ATP10D: variants seen among roughly 807,000 people sequenced by gnomAD.
ATP10D encodes phospholipid-transporting ATPase VD.
A neutral mutation model predicts 144.8 loss-of-function variants in ATP10D; 89 were observed. The observed-to-expected ratio is 0.61, with a 90% CI of 0.52 to 0.73. The LOEUF is 0.73. Ranked by LOEUF, ATP10D falls within the 30% of genes least tolerant of loss-of-function variation. ATP10D has a pLI of 0.00. For synonymous variants in ATP10D, 571 were observed against 615.1 expected, an observed-to-expected ratio of 0.93 and a Z score of 1.06; for missense variants, 1,603 against 1,714.8, an observed-to-expected ratio of 0.93 and a Z score of 1.15.
intron 6 of ATP10D, 40 bp from the exon 7 acceptor site, chr4:47,535,862 T>C: frequency 1.3e-6 from 2 of 1,584,742 alleles, no homozygotes; most frequent in Non-Finnish European, 8.6e-7. Flanking sequence ...TTCTTGGCTT[T>C]AATTTGTACA....
chr4:47,587,621 G>A (rs562215372), intron 22 of ATP10D, among the ~76,000 whole-genome samples: 8 of 152,092 alleles, frequency 5.3e-5, no homozygotes, highest in Non-Finnish European at 7.4e-5. Context: ...AAAGTCTAAC[G>A]TCAAGCCACC....
At chr4:47,496,282 G>A (rs751401641) in intron 1 of ATP10D, among the ~76,000 whole-genome samples, 5 of 148,814 alleles carry the variant, frequency 3.4e-5, no homozygotes, top group Non-Finnish European at 7.4e-5. Context: ...CTCAGCCTCC[G>A]GAGTAGCTGG....
intron 5 of ATP10D, among the ~76,000 whole-genome samples, chr4:47,532,125 A>G (rs1717601134): frequency 6.6e-6 from 1 of 152,162 alleles, no homozygotes; most frequent in Non-Finnish European, 1.5e-5. Context: ...AAGTAGTTCA[A>G]AATTTCTGGG....
chr4:47,525,497 A>C (rs1465565569), intron 4 of ATP10D, 60 bp from the exon 5 acceptor site: 3 of 1,184,718 alleles, frequency 2.5e-6, no homozygotes, highest in Non-Finnish European at 3.8e-6. Flanking sequence ...GTGATAAAAC[A>C]CTTCAATATT....
chr4:47,559,133 A>T lies in ATP10D; in HGVS notation c.2541+104A>T, dbSNP rs576499026. The stretch of plus-strand genomic sequence containing the variant: ...AAACCCTAATCCAGATGCTGGGGAA[A>T]GTCCCCTGGACACTGGCTCTCTTTT... On this transcript the variant is annotated intron_variant, in intron 13 of 22. Transcript: ENST00000273859. 40 of 787,344 alleles carry T rather than the reference A, an allele frequency of 5.1e-5. No individual in the cohort carries two copies. The African/African-American group carries it at 6.5e-4, about 13-fold the overall frequency. The allele number at this position is 787,344 out of a possible 1,614,324, so 48.8% of individuals were successfully genotyped here. A position where few individuals can be genotyped will look rare whatever the true frequency, so the allele number is the denominator to read the frequency against.
At chr4:47,505,115 A>G (rs142402066) in intron 1 of ATP10D, among the ~76,000 whole-genome samples, 3 of 152,358 alleles carry the variant, frequency 2.0e-5, no homozygotes, top group East Asian at 3.9e-4. Flanking sequence ...AATCTTTTGT[A>G]TAAACTAGAC....
intron 16 of ATP10D, among the ~76,000 whole-genome samples, chr4:47,569,901 T>C (rs1354878835): frequency 6.6e-6 from 1 of 152,118 alleles, no homozygotes; most frequent in Non-Finnish European, 1.5e-5. Context: ...GGGAACCGTG[T>C]TTGGTGTGTC....
intron 2 of ATP10D, among the ~76,000 whole-genome samples, chr4:47,514,878 G>A (rs1391354702): frequency 6.9e-6 from 1 of 145,210 alleles, no homozygotes; most frequent in Admixed American, 7.1e-5. Context: ...AAAGAAAATA[G>A]TATTTTCTCT....
At chr4:47,572,841 G>A (rs1720032876) in intron 17 of ATP10D, 31 bp from the exon 18 acceptor site, 3 of 1,613,868 alleles carry the variant, frequency 1.9e-6, no homozygotes. Context: ...TGATCACTCA[G>A]GATGGCATTC....
Position 47,592,206 on chromosome 4 carries a change from C to T in ATP10D, c.*825C>T, listed in dbSNP as rs1721082254. 1 of 152,508 alleles carries T rather than the reference C, an allele frequency of 6.6e-6. No individual in the cohort carries two copies. The allele number at this position is 152,508 out of a possible 1,614,324, so 9.4% of individuals were successfully genotyped here. The stretch of plus-strand genomic sequence containing the variant: ...GCAGACATCAGCTCAGCCTGTGGCC[C>T]ATTGGGTGATTTCCTGTATTTTAAA... On this transcript the variant is annotated 3_prime_UTR_variant, in exon 23 of 23. Coordinates refer to ENST00000273859, the MANE Select transcript of ATP10D (RefSeq NM_020453.4).
intron 1 of ATP10D, chr4:47,491,300 G>C: frequency 1.3e-6 from 1 of 781,336 alleles, no homozygotes; most frequent in Non-Finnish European, 2.0e-6. Context: ...GGTAACACTG[G>C]TGGGGCATTC....
At chr4:47,538,935 G>A (rs116775598) in intron 9 of ATP10D, among the ~76,000 whole-genome samples, 2,400 of 152,296 alleles carry the variant, frequency 0.016, 37 homozygotes, top group South Asian at 0.06. Flanking sequence ...ACCAAGGATA[G>A]TCTTCTTTCA....
intron 9 of ATP10D, among the ~76,000 whole-genome samples, chr4:47,540,200 T>C (rs367704990): frequency 2.1e-4 from 32 of 152,362 alleles, no homozygotes; most frequent in African/African-American, 7.2e-4. Flanking sequence ...ACAGTGTATC[T>C]GTGTTTTAAT....
At chr4:47,530,662 A>G (rs1189409335) in intron 5 of ATP10D, among the ~76,000 whole-genome samples, 3 of 151,844 alleles carry the variant, frequency 2.0e-5, no homozygotes, top group Non-Finnish European at 4.4e-5. Flanking sequence ...TGCCATGTTG[A>G]CCAGTCTGGT....
At chr4:47,485,611 C>T (rs1488012386) in intron 1 of ATP10D, 92 bp downstream of exon 1, 1 of 152,044 alleles carries the variant, frequency 6.6e-6, no homozygotes, top group African/African-American at 2.4e-5. Context: ...TCCTGTTTCT[C>T]CCCGCTCCAC....
chr4:47,495,880 G>A (rs1055582809), intron 1 of ATP10D, among the ~76,000 whole-genome samples: 3 of 151,996 alleles, frequency 2.0e-5, no homozygotes, highest in Admixed American at 6.6e-5. Flanking sequence ...TGGGATTACC[G>A]GCATGCGCCA....
intron 5 of ATP10D, among the ~76,000 whole-genome samples, chr4:47,529,089 TTGTC>T (rs1411221312): frequency 6.6e-6 from 1 of 152,200 alleles, no homozygotes. Flanking sequence ...ATTCTGTACA[TTGTC>T]TGTTTACTCT....
chr4:47,564,051 C>G (rs568620728), intron 15 of ATP10D, among the ~76,000 whole-genome samples: 1 of 152,258 alleles, frequency 6.6e-6, no homozygotes, highest in East Asian at 1.9e-4. Flanking sequence ...GCCACCACGC[C>G]TGGCTAATTT....
chr4:47,543,133 G>T (rs904630795), intron 9 of ATP10D, among the ~76,000 whole-genome samples: 1 of 152,018 alleles, frequency 6.6e-6, no homozygotes, highest in African/African-American at 2.4e-5. Flanking sequence ...ACAGTATATT[G>T]TTATAATTAT....
Sources: gnomAD v4.1 joint callset for allele counts (sites outside exome capture counted in the v4.1 genomes callset) on GRCh38, gnomAD v4.1.1 for gene constraint, MANE v1.5 for transcripts, NCBI Gene and HGNC (gene_info 2026-07-23, HGNC 2026-07-21) for gene names.